The following MAGI2 variants were observed in gnomAD, a reference collection of about 807,000 sequenced individuals.
MAGI2 encodes the protein membrane associated guanylate kinase, WW and PDZ domain containing 2.
Under a neutral mutation model 133.3 loss-of-function variants are expected in MAGI2, and 35 were observed. The ratio of observed to expected loss-of-function variants is 0.26; its 90% CI spans 0.20 to 0.35. The LOEUF (loss-of-function observed/expected upper bound fraction) is 0.35. Ranked by LOEUF, MAGI2 falls within the 10% of genes least tolerant of loss-of-function variation. MAGI2 has a pLI of 1.00. For missense variants in MAGI2, 1,636 were observed against 1,863.4 expected (o/e 0.88, Z 2.25); for synonymous variants, 729 against 710.6 (o/e 1.03, Z -0.41).
intron 9 of MAGI2, among the ~76,000 whole-genome samples, chr7:78,328,502 A>AACACACAC (rs1554346526): frequency 1.1e-3 from 115 of 105,176 alleles, no homozygotes; most frequent in African/African-American, 2.3e-3. Flanking sequence ...CCAGCTCTAA[A>AACACACAC]ACACACACAC....
At chr7:78,378,720 T>G (rs2151286486) in intron 6 of MAGI2, among the ~76,000 whole-genome samples, 1 of 152,088 alleles carries the variant, frequency 6.6e-6, no homozygotes, top group African/African-American at 2.4e-5. Context: ...ACATACCTAC[T>G]TAATTAAACC....
intron 6 of MAGI2, among the ~76,000 whole-genome samples, chr7:78,474,683 T>C (rs1791563533): frequency 6.6e-6 from 1 of 151,920 alleles, no homozygotes; most frequent in South Asian, 2.1e-4. Context: ...CAGGAGATTG[T>C]CAACCCATAC....
intron 2 of MAGI2, among the ~76,000 whole-genome samples, chr7:78,871,227 C>T (rs931984519): frequency 2.6e-5 from 4 of 152,068 alleles, no homozygotes; most frequent in African/African-American, 9.7e-5. Context: ...AGGAGAATGG[C>T]GTGAACCCAG....
chr7:78,561,241 C>T (rs190088307), intron 3 of MAGI2, among the ~76,000 whole-genome samples: 23 of 152,108 alleles, frequency 1.5e-4, no homozygotes, highest in South Asian at 2.1e-4. Context: ...TGTGGGCTCA[C>T]GAGACAGATG....
chr7:78,208,988 C>A (rs1039594461), intron 10 of MAGI2, among the ~76,000 whole-genome samples: 2 of 150,718 alleles, frequency 1.3e-5, no homozygotes, highest in Non-Finnish European at 3.0e-5. Flanking sequence ...TTTGGGAGGC[C>A]GAGGCAGGTG....
chr7:78,940,141 A>G (rs1800855015), intron 2 of MAGI2, among the ~76,000 whole-genome samples: 1 of 152,220 alleles, frequency 6.6e-6, no homozygotes, highest in Admixed American at 6.5e-5. Context: ...TTGTATTATA[A>G]TAATAATACA....
At chr7:78,324,765 A>G (rs1788409792) in intron 9 of MAGI2, among the ~76,000 whole-genome samples, 1 of 152,130 alleles carries the variant, frequency 6.6e-6, no homozygotes, top group South Asian at 2.1e-4. Context: ...GTTCGAGACC[A>G]GCCTGGCCAA....
At chr7:78,301,451 GA>G (rs1439660317) in intron 9 of MAGI2, among the ~76,000 whole-genome samples, 1 of 152,158 alleles carries the variant, frequency 6.6e-6, no homozygotes, top group East Asian at 1.9e-4. Context: ...GTATTTGGTG[GA>G]ACCAGGCATG....
At chr7:78,584,329 A>G (rs1442185643) in intron 3 of MAGI2, among the ~76,000 whole-genome samples, 1 of 149,910 alleles carries the variant, frequency 6.7e-6, no homozygotes, top group Admixed American at 6.7e-5. Flanking sequence ...CTGAGGCAGA[A>G]GAATCACTTG....
chr7:78,081,106 C>T (rs1383058175), intron 20 of MAGI2, among the ~76,000 whole-genome samples: 1 of 152,098 alleles, frequency 6.6e-6, no homozygotes, highest in Non-Finnish European at 1.5e-5. Context: ...ATTTCTTGTT[C>T]TTTCTGAAGG....
intron 13 of MAGI2, among the ~76,000 whole-genome samples, chr7:78,180,351 C>T (rs752790465): frequency 4.6e-5 from 7 of 152,158 alleles, no homozygotes; most frequent in Non-Finnish European, 1.0e-4. Context: ...TTATTTGCTA[C>T]GTAAAACTTT....
At chr7:78,303,331 A>G (rs1797993313) in intron 9 of MAGI2, among the ~76,000 whole-genome samples, 1 of 131,152 alleles carries the variant, frequency 7.6e-6, no homozygotes, top group Non-Finnish European at 1.6e-5. Context: ...GTGAGCCAAG[A>G]TTGCGCCATT....
At chr7:78,432,949 T>C (rs1372736751) in intron 6 of MAGI2, among the ~76,000 whole-genome samples, 2 of 152,068 alleles carry the variant, frequency 1.3e-5, no homozygotes, top group Admixed American at 6.6e-5. Context: ...TGAGAAACTT[T>C]AATATGTCCC....
intron 1 of MAGI2, among the ~76,000 whole-genome samples, chr7:79,237,753 C>G (rs769211763): frequency 1.3e-5 from 2 of 152,144 alleles, no homozygotes; most frequent in Non-Finnish European, 2.9e-5. Context: ...ATTGCTTGAA[C>G]AATAATCCAT....
At chr7:78,419,399 T>TTGTGTG (rs3061300) in intron 6 of MAGI2, among the ~76,000 whole-genome samples, 2,309 of 150,734 alleles carry the variant, frequency 0.015, 23 homozygotes, top group African/African-American at 0.026. Context: ...TGCACCGAGC[T>TTGTGTG]TGTGTGTGTG....
chr7:78,606,184 G>T (rs994903529), intron 3 of MAGI2, among the ~76,000 whole-genome samples: 1 of 152,130 alleles, frequency 6.6e-6, no homozygotes, highest in African/African-American at 2.4e-5. Context: ...TTCTGAGAAG[G>T]TCATGTGCTC....
chr7:79,040,142 C>A (rs572723081), intron 1 of MAGI2, among the ~76,000 whole-genome samples: 1 of 151,696 alleles, frequency 6.6e-6, no homozygotes, highest in Non-Finnish European at 1.5e-5. Context: ...TGGTTTCCTG[C>A]ATGCTGTTCT....
chr7:78,977,358 G>GAACAATCAGACAGCCA (rs1804349034), intron 2 of MAGI2, among the ~76,000 whole-genome samples: 1 of 150,758 alleles, frequency 6.6e-6, no homozygotes, highest in African/African-American at 2.4e-5. Flanking sequence ...AATGGTACAG[G>GAACAATCAGACAGCCA]AACAATCAGA....
At chr7:78,124,111 T>C (rs760974375) in intron 20 of MAGI2, among the ~76,000 whole-genome samples, 6 of 152,162 alleles carry the variant, frequency 3.9e-5, no homozygotes, top group Non-Finnish European at 5.9e-5. Flanking sequence ...CCACCGTGGG[T>C]CTCTATCTCT....
Sources: allele counts gnomAD v4.1 joint callset (sites outside exome capture counted in the v4.1 genomes callset), GRCh38; gene constraint gnomAD v4.1.1; transcripts MANE v1.5; gene names NCBI Gene and HGNC (gene_info 2026-07-23, HGNC 2026-07-21).